The following SUCO variants were observed in gnomAD, a reference collection of about 807,000 sequenced individuals.
SUCO encodes SUN domain-containing ossification factor.
A neutral mutation model predicts 148.1 loss-of-function variants in SUCO; 57 were observed. The observed-to-expected ratio is 0.38, with a 90% CI of 0.31 to 0.48. The LOEUF (loss-of-function observed/expected upper bound fraction) is 0.48. Among genes scored for constraint, SUCO ranks in the 20% least tolerant of loss-of-function variants. The pLI, the probability that SUCO is intolerant of heterozygous loss-of-function variation, is 0.96. For missense variants in SUCO, 1,331 were observed against 1,468.2 expected (o/e 0.91, Z 1.53); for synonymous variants, 470 against 502.7 (o/e 0.93, Z 0.87).
intron 22 of SUCO, chr1:172,608,374 A>AATGTC: frequency 4.4e-6 from 1 of 226,478 alleles, no homozygotes; most frequent in South Asian, 6.9e-5. Context: ...GAAGTATTCA[A>AATGTC]ATGATCTGTA....
In SUCO at chr1:172,589,311, T is replaced by C. The variant is rs780161408; in HGVS notation, c.2210T>C (p.Ile737Thr). The change falls in exon 18 of 24, where the codon ATT becomes ACT. Residue 737 changes from isoleucine to threonine, a missense_variant. Coordinates refer to ENST00000263688, the MANE Select transcript of SUCO (RefSeq NM_014283.5). Reference sequence around the variant, plus strand: ...CTTTCTCAGTCTCTTCTTTTAGATATTACCCCAGAAATCAATCCCTTGCCT... The same window carrying C: ...CTTTCTCAGTCTCTTCTTTTAGATACTACCCCAGAAATCAATCCCTTGCCT... ...QTLSQSLLLDITPEINPLPKI... is the reference protein window; with the variant it reads ...QTLSQSLLLDTTPEINPLPKI... 6.2e-7 allele frequency: 1 copy of C among 1,613,496 alleles called. No individual in the cohort carries two copies. The highest frequency in any genetic ancestry group is 1.7e-5 in the Admixed American group (1 of 59,938).
At chr1:172,567,393 C>T (rs949064808) in intron 6 of SUCO, among the ~76,000 whole-genome samples, 4 of 152,086 alleles carry the variant, frequency 2.6e-5, no homozygotes, top group Non-Finnish European at 5.9e-5. Context: ...GATTGGATGC[C>T]CTTCCTCAGT....
At chr1:172,532,524 C>A (rs1431987827), upstream of SUCO, 1 of 1,613,650 alleles carries the variant, frequency 6.2e-7, no homozygotes, top group Non-Finnish European at 8.5e-7. Context: ...ACATCTAGCT[C>A]AATGGGGCAG....
At chr1:172,556,933 G>A in intron 4 of SUCO, 1 of 978,876 alleles carries the variant, frequency 1.0e-6, no homozygotes, top group Non-Finnish European at 1.2e-6. Context: ...AAATTTTAGT[G>A]AAATGTCTTG....
intron 8 of SUCO, 52 bp from the exon 9 acceptor site, chr1:172,570,611 C>G (rs1025466427): frequency 4.9e-6 from 6 of 1,228,182 alleles, no homozygotes; most frequent in South Asian, 2.6e-5. Flanking sequence ...AAAATAAATA[C>G]TTTCTTCATT....
intron 15 of SUCO, 59 bp from the exon 16 acceptor site, chr1:172,584,959 T>C: frequency 2.7e-6 from 3 of 1,108,034 alleles, no homozygotes; most frequent in Non-Finnish European, 3.9e-6. Flanking sequence ...CTATCTGATA[T>C]TAATTTATAT....
intron 15 of SUCO, among the ~76,000 whole-genome samples, chr1:172,580,743 G>T (rs958245302): frequency 1.3e-5 from 2 of 152,160 alleles, no homozygotes; most frequent in African/African-American, 4.8e-5. Context: ...TAAAGGAAAA[G>T]TGTGTTGATA....
chr1:172,532,786 C>A, upstream of SUCO: 1 of 1,608,780 alleles, frequency 6.2e-7, no homozygotes, highest in Non-Finnish European at 8.5e-7. Flanking sequence ...ACTCAGCGCG[C>A]GAGGGACGAA....
intron 17 of SUCO, chr1:172,588,274 T>A: frequency 2.0e-6 from 2 of 985,320 alleles, no homozygotes; most frequent in Non-Finnish European, 2.4e-6. Flanking sequence ...AATAGGGTAT[T>A]CAAGTACAAA....
At chr1:172,587,341 T>G (rs568939991) in intron 17 of SUCO, among the ~76,000 whole-genome samples, 1 of 152,202 alleles carries the variant, frequency 6.6e-6, no homozygotes, top group South Asian at 2.1e-4. Context: ...CAACTTATTT[T>G]CTTTTCCTAG....
At chr1:172,548,289 C>G (rs1241834112) in intron 1 of SUCO, among the ~76,000 whole-genome samples, 1 of 151,190 alleles carries the variant, frequency 6.6e-6, no homozygotes, top group African/African-American at 2.4e-5. Context: ...TCTTTTTATT[C>G]CATATTGTGT....
chr1:172,608,724 C>CTTT lies in SUCO; in HGVS notation c.3266-11_3266-9dup, dbSNP rs372623434. On this transcript the variant is annotated intron_variant, in intron 22 of 23. Transcript: ENST00000263688. ...AAATCCACTTTACATTTTACATCTG[C>CTTT]TTTTTTTTTTTTTTACTTACAGTAG... 5.1e-5 allele frequency: 70 copies of CTTT among 1,364,098 alleles called. No individual in the cohort carries two copies. In the African/African-American group the frequency reaches 5.8e-4, roughly 11 times the overall value. 84.5% of individuals were successfully genotyped at this position (1,364,098 alleles called of 1,614,324 possible).
chr1:172,557,855 A>T, intron 6 of SUCO, 61 bp downstream of exon 6: 1 of 1,300,608 alleles, frequency 7.7e-7, no homozygotes, highest in Non-Finnish European at 1.1e-6. Context: ...GTTATTAGCT[A>T]AGCTTATAAT....
chr1:172,608,664 G>A, intron 22 of SUCO, 83 bp from the exon 23 acceptor site: 4 of 889,814 alleles, frequency 4.5e-6, no homozygotes, highest in Non-Finnish European at 7.4e-6. Flanking sequence ...TGAATGATTT[G>A]TCTTATTTTA....
In SUCO at chr1:172,589,684, A is replaced by T. The variant is rs561945501; in HGVS notation, c.2583A>T (p.Ser861=). Residue 861 remains serine (S), a synonymous_variant, in exon 18 of 24, where the codon TCA becomes TCT. Coordinates refer to ENST00000263688, the MANE Select transcript of SUCO (RefSeq NM_014283.5). ...QTLISVVDSS[S]LPEVKEEEQS... The stretch of plus-strand genomic sequence containing the variant: ...TGATTTCTGTTGTGGATTCTTCTTC[A>T]TTACCTGAAGTAAAAGAAGAAGAAC... 6.2e-7 allele frequency: 1 copy of T among 1,613,754 alleles called. No individual in the cohort carries two copies.
chr1:172,579,104 A>T (rs1261049097), intron 14 of SUCO, 98 bp from the exon 15 acceptor site: 1 of 666,388 alleles, frequency 1.5e-6, no homozygotes, highest in African/African-American at 1.9e-5. Context: ...AATGTTTTAA[A>T]TGTCAGCTGA....
intron 15 of SUCO, chr1:172,584,396 A>C (rs1285676815): frequency 1.1e-6 from 1 of 928,658 alleles, no homozygotes; most frequent in African/African-American, 1.8e-5. Context: ...GTCCCAGTAC[A>C]GACTGTATGT....
chr1:172,595,246 G>C (rs1209545421), intron 19 of SUCO, among the ~76,000 whole-genome samples: 1 of 152,136 alleles, frequency 6.6e-6, no homozygotes, highest in Non-Finnish European at 1.5e-5. Context: ...TTGCCAGTCT[G>C]TGTCTTTTAA....
At chr1:172,565,652 A>G (rs1044267377) in intron 6 of SUCO, among the ~76,000 whole-genome samples, 1 of 152,238 alleles carries the variant, frequency 6.6e-6, no homozygotes, top group African/African-American at 2.4e-5. Flanking sequence ...GTGGTGTCCC[A>G]GAGTCAACAC....
Sources: gnomAD v4.1 joint callset for allele counts (sites outside exome capture counted in the v4.1 genomes callset) on GRCh38, gnomAD v4.1.1 for gene constraint, MANE v1.5 for transcripts, NCBI Gene and HGNC (gene_info 2026-07-23, HGNC 2026-07-21) for gene names.